The following CSMD1 variants were observed in gnomAD, a reference collection of about 807,000 sequenced individuals.
CSMD1 encodes CUB and sushi domain-containing protein 1.
Under a neutral mutation model 417.5 loss-of-function variants are expected in CSMD1, and 213 were observed. The ratio of observed to expected loss-of-function variants is 0.51; its 90% CI spans 0.46 to 0.57. CSMD1 has a LOEUF of 0.57. CSMD1 is among the 20% of genes least tolerant of loss of function. The pLI is 0.00. For synonymous variants in CSMD1, 2,862 were observed against 1,736.8 expected, an observed-to-expected ratio of 1.65 and a Z score of -16.11; for missense variants, 6,923 against 4,529.7, an observed-to-expected ratio of 1.53 and a Z score of -15.17.
intron 1 of CSMD1, among the ~76,000 whole-genome samples, chr8:4,915,072 C>A (rs1005008048): frequency 1.3e-5 from 2 of 152,084 alleles, no homozygotes; most frequent in Non-Finnish European, 2.9e-5. Context: ...TAAATACACT[C>A]GGTTTCTCAG....
chr8:4,971,276 T>C (rs529220946), intron 1 of CSMD1, among the ~76,000 whole-genome samples: 1 of 152,074 alleles, frequency 6.6e-6, no homozygotes, highest in South Asian at 2.1e-4. Flanking sequence ...CTCTTATAAA[T>C]GCTCTCAACA....
intron 23 of CSMD1, among the ~76,000 whole-genome samples, chr8:3,339,563 C>T (rs973087262): frequency 5.9e-5 from 9 of 152,098 alleles, no homozygotes; most frequent in Non-Finnish European, 1.0e-4. Flanking sequence ...AAATAATTGA[C>T]GAAGCTGGTC....
intron 2 of CSMD1, among the ~76,000 whole-genome samples, chr8:4,446,339 G>C (rs187473490): frequency 6.6e-6 from 1 of 152,098 alleles, no homozygotes; most frequent in Non-Finnish European, 1.5e-5. Flanking sequence ...CTTGAGCCCA[G>C]GAGTTTGAAA....
At chr8:3,719,223 CCAAGGTGTTCACCTTG>C (rs527883813) in intron 6 of CSMD1, among the ~76,000 whole-genome samples, 276 of 152,188 alleles carry the variant, frequency 1.8e-3, no homozygotes, top group African/African-American at 6.5e-3. Flanking sequence ...CAAAAGCCTT[CCAAGGTGTTCACCTTG>C]CAAGGTGAAC....
In CSMD1 at chr8:3,219,309, C is replaced by A; in HGVS notation, c.4618G>T (p.Ala1540Ser). Residue 1540 changes from alanine (A) to serine (S), a missense_variant, in exon 29 of 70, where the codon GCA becomes TCA. Coordinates refer to ENST00000635120, the MANE Select transcript of CSMD1 (RefSeq NM_033225.6). ...CCCACGGAGGCATCACTCCGAAATGCCAGAAACAGGCTGTTTCCGCTACTC... is the reference window on the plus strand; with the variant it reads ...CCCACGGAGGCATCACTCCGAAATGACAGAAACAGGCTGTTTCCGCTACTC... ...IESSGNSLFL[A>S]FRSDASVGLS... The A allele has an allele frequency of 1.3e-6, 2 of 1,591,654 alleles. No homozygotes were observed. Among genetic ancestry groups the A allele is most frequent in the Non-Finnish European group, 1.7e-6 (2 of 1,168,198 alleles).
intron 1 of CSMD1, among the ~76,000 whole-genome samples, chr8:4,953,957 G>T (rs765698389): frequency 1.3e-5 from 2 of 152,118 alleles, no homozygotes; most frequent in Non-Finnish European, 2.9e-5. Context: ...CTAATGCACA[G>T]TAAAGTTAAG....
At chr8:3,129,753 C>G (rs1563070995) in intron 41 of CSMD1, among the ~76,000 whole-genome samples, 1 of 151,948 alleles carries the variant, frequency 6.6e-6, no homozygotes, top group East Asian at 1.9e-4. Flanking sequence ...CTTTGGGAGG[C>G]TGAGGCAGGC....
intron 29 of CSMD1, among the ~76,000 whole-genome samples, chr8:3,216,215 T>C (rs1033126109): frequency 1.3e-5 from 2 of 152,026 alleles, no homozygotes; most frequent in South Asian, 4.1e-4. Flanking sequence ...TGTTGATAAT[T>C]CTTTGTAACT....
intron 5 of CSMD1, among the ~76,000 whole-genome samples, chr8:3,868,557 T>C (rs948859946): frequency 3.9e-5 from 6 of 152,154 alleles, no homozygotes; most frequent in South Asian, 4.1e-4. Flanking sequence ...AACCCTGTTC[T>C]GAAATGTGGA....
At chr8:4,568,951 C>T (rs750646687) in intron 2 of CSMD1, among the ~76,000 whole-genome samples, 9 of 152,096 alleles carry the variant, frequency 5.9e-5, no homozygotes, top group African/African-American at 7.2e-5. Context: ...ATCCTTCACC[C>T]GCTTTTTGAT....
At chr8:3,509,686 T>A (rs1796982496) in intron 10 of CSMD1, among the ~76,000 whole-genome samples, 1 of 152,206 alleles carries the variant, frequency 6.6e-6, no homozygotes, top group Non-Finnish European at 1.5e-5. Flanking sequence ...AGATGCTTAA[T>A]CATCTTCAAC....
chr8:4,015,865 C>G (rs1383727449), intron 4 of CSMD1, among the ~76,000 whole-genome samples: 1 of 152,138 alleles, frequency 6.6e-6, no homozygotes, highest in East Asian at 1.9e-4. Flanking sequence ...CTGCCGTTTT[C>G]TATGGTTTAC....
intron 42 of CSMD1, among the ~76,000 whole-genome samples, chr8:3,111,933 G>C (rs1007484447): frequency 3.9e-5 from 6 of 152,020 alleles, no homozygotes; most frequent in African/African-American, 1.4e-4. Context: ...CAGACGTCGA[G>C]GGAGTGTTCA....
At chr8:4,058,460 C>G (rs902772287) in intron 3 of CSMD1, among the ~76,000 whole-genome samples, 1 of 152,144 alleles carries the variant, frequency 6.6e-6, no homozygotes, top group East Asian at 1.9e-4. Context: ...TTTCCAGATA[C>G]ACAATCACGT....
In CSMD1 at chr8:4,464,058, TG is replaced by T. The variant is rs1230564104; in HGVS notation, c.303-43994del. On this transcript the variant is annotated intron_variant, in intron 2 of 69. Transcript: ENST00000635120. Reference sequence around the variant, plus strand: ...TTTACGAATTAAAAAAAAAGGAATATGGTAAGAAGACTGAAAGAAACAGGTT... The same window carrying T: ...TTTACGAATTAAAAAAAAAGGAATATGTAAGAAGACTGAAAGAAACAGGTT... Among the ~76,000 whole-genome samples the T allele has an allele frequency of 8.5e-5, 13 of 152,196 alleles. No individual in the cohort carries two copies. In the East Asian group the frequency reaches 2.5e-3, roughly 29 times the overall value.
At chr8:3,187,660 TCTC>T (rs767308791) in intron 36 of CSMD1, among the ~76,000 whole-genome samples, 4 of 152,098 alleles carry the variant, frequency 2.6e-5, no homozygotes, top group Non-Finnish European at 4.4e-5. Context: ...TTTAGATTGG[TCTC>T]CTCCTCGTGG....
intron 12 of CSMD1, among the ~76,000 whole-genome samples, chr8:3,445,804 T>G (rs1049459910): frequency 1.3e-5 from 2 of 151,984 alleles, no homozygotes; most frequent in Non-Finnish European, 2.9e-5. Context: ...AGACAAAACA[T>G]AACACCCAAA....
chr8:3,113,397 G>C (rs1816655260), intron 42 of CSMD1: 1 of 152,212 alleles, frequency 6.6e-6, no homozygotes, highest in African/African-American at 2.4e-5. Flanking sequence ...AGCGTTGCTG[G>C]GCAAGACAGT....
At chr8:4,178,686 T>C (rs1031991739) in intron 3 of CSMD1, among the ~76,000 whole-genome samples, 3 of 152,144 alleles carry the variant, frequency 2.0e-5, no homozygotes, top group East Asian at 1.9e-4. Context: ...AAAACCCCAC[T>C]GTCTCAGCCC....
Sources: allele counts gnomAD v4.1 joint callset (sites outside exome capture counted in the v4.1 genomes callset), GRCh38; gene constraint gnomAD v4.1.1; transcripts MANE v1.5; gene names NCBI Gene and HGNC (gene_info 2026-07-23, HGNC 2026-07-21).